The following CDH13 variants were observed in gnomAD, a reference collection of about 807,000 sequenced individuals.
CDH13 encodes the protein cadherin 13, also known as cadherin-13.
Under a neutral mutation model 63.8 loss-of-function variants are expected in CDH13, and 24 were observed. The ratio of observed to expected loss-of-function variants is 0.38; its 90% CI spans 0.27 to 0.53. CDH13 has a LOEUF of 0.53. Ranked by LOEUF, CDH13 falls within the 20% of genes least tolerant of loss-of-function variation. CDH13 has a pLI of 0.85. For missense variants in CDH13, 1,049 were observed against 903.1 expected (o/e 1.16, Z -2.07); for synonymous variants, 503 against 355.3 (o/e 1.42, Z -4.67).
At chr16:83,113,293 C>T (rs1318998565) in intron 3 of CDH13, among the ~76,000 whole-genome samples, 1 of 152,176 alleles carries the variant, frequency 6.6e-6, no homozygotes, top group Non-Finnish European at 1.5e-5. Flanking sequence ...AAAATCAAAG[C>T]GAAATCACCA....
intron 2 of CDH13, among the ~76,000 whole-genome samples, chr16:83,014,987 G>A (rs1422489605): frequency 1.3e-5 from 2 of 150,046 alleles, no homozygotes; most frequent in Non-Finnish European, 3.0e-5. Context: ...AATGAGAGCA[G>A]ATAGATCCAT....
At chr16:83,258,868 C>A (rs537278743) in intron 5 of CDH13, among the ~76,000 whole-genome samples, 14 of 152,318 alleles carry the variant, frequency 9.2e-5, no homozygotes, top group African/African-American at 2.9e-4. Context: ...TTTAGCTCAC[C>A]ATCACATTCC....
intron 9 of CDH13, among the ~76,000 whole-genome samples, chr16:83,673,830 G>A (rs1273620738): frequency 6.6e-6 from 1 of 152,234 alleles, no homozygotes; most frequent in East Asian, 1.9e-4. Context: ...CATGGCCTTA[G>A]GGGAAGCAGT....
chr16:83,249,258 C>T (rs1597592898), intron 5 of CDH13, among the ~76,000 whole-genome samples: 1 of 152,188 alleles, frequency 6.6e-6, no homozygotes, highest in East Asian at 1.9e-4. Flanking sequence ...CACGCTTGAG[C>T]CAGCTCATAC....
At chr16:82,840,817 T>G (rs1037560834) in intron 1 of CDH13, among the ~76,000 whole-genome samples, 2 of 152,184 alleles carry the variant, frequency 1.3e-5, no homozygotes, top group East Asian at 3.8e-4. Context: ...GTTGGCCGTT[T>G]CATTGTAACA....
intron 7 of CDH13, among the ~76,000 whole-genome samples, chr16:83,587,498 G>A (rs367568512): frequency 2.0e-5 from 3 of 152,126 alleles, no homozygotes; most frequent in Non-Finnish European, 2.9e-5. Flanking sequence ...GTGTGGAGCC[G>A]ATTACACAGC....
intron 5 of CDH13, among the ~76,000 whole-genome samples, chr16:83,232,369 A>C (rs892142083): frequency 4.0e-5 from 6 of 151,896 alleles, no homozygotes; most frequent in African/African-American, 1.5e-4. Context: ...TACTAAAAAA[A>C]CAAAAATTAG....
At chr16:82,683,275 A>G (rs1234556764) in intron 1 of CDH13, among the ~76,000 whole-genome samples, 2 of 152,132 alleles carry the variant, frequency 1.3e-5, no homozygotes, top group Non-Finnish European at 2.9e-5. Context: ...GCAGGAACCT[A>G]GCCTTCTGGT....
chr16:83,352,718 G>A (rs377187991), intron 6 of CDH13, among the ~76,000 whole-genome samples: 10 of 152,040 alleles, frequency 6.6e-5, no homozygotes, highest in South Asian at 4.1e-4. Context: ...GTGAAACCCC[G>A]TCTCTACTAA....
intron 10 of CDH13, among the ~76,000 whole-genome samples, chr16:83,687,184 A>T (rs940943908): frequency 6.6e-6 from 1 of 152,174 alleles, no homozygotes; most frequent in African/African-American, 2.4e-5. Context: ...CTGCCCTCCA[A>T]CCTGGGTGAC....
chr16:83,294,178 G>A (rs1011152671), intron 5 of CDH13, among the ~76,000 whole-genome samples: 4 of 151,932 alleles, frequency 2.6e-5, no homozygotes, highest in African/African-American at 7.3e-5. Flanking sequence ...TATACATTGT[G>A]GAATGATTAA....
At chr16:83,539,609 T>C (rs906599035) in intron 7 of CDH13, among the ~76,000 whole-genome samples, 1 of 152,338 alleles carries the variant, frequency 6.6e-6, no homozygotes, top group East Asian at 1.9e-4. Context: ...GAAGTGTTGG[T>C]AACAGCGATA....
intron 6 of CDH13, among the ~76,000 whole-genome samples, chr16:83,464,206 C>G (rs1366932342): frequency 6.6e-6 from 1 of 150,736 alleles, no homozygotes; most frequent in Admixed American, 6.6e-5. Flanking sequence ...ATTACAGGCA[C>G]ACACCACTAT....
intron 2 of CDH13, among the ~76,000 whole-genome samples, chr16:82,955,622 A>G (rs1220143041): frequency 6.6e-6 from 1 of 152,194 alleles, no homozygotes; most frequent in Admixed American, 6.5e-5. Context: ...ACTGTGAATC[A>G]GTCACTGTGT....
chr16:83,706,419 G>C (rs1907063412), intron 10 of CDH13, among the ~76,000 whole-genome samples: 1 of 152,202 alleles, frequency 6.6e-6, no homozygotes, highest in Admixed American at 6.5e-5. Flanking sequence ...AGGAGCGTCA[G>C]AAATATTAGC....
intron 3 of CDH13, among the ~76,000 whole-genome samples, chr16:83,073,798 T>C (rs2032623452): frequency 6.6e-6 from 1 of 152,058 alleles, no homozygotes; most frequent in African/African-American, 2.4e-5. Context: ...ATGTAATATA[T>C]ATAATATACA....
chr16:82,888,939 C>T (rs1304441953), intron 2 of CDH13, among the ~76,000 whole-genome samples: 3 of 152,088 alleles, frequency 2.0e-5, no homozygotes, highest in East Asian at 1.9e-4. Flanking sequence ...GTTAATGTTT[C>T]ATTGCTTGGG....
At chr16:83,394,481 T>G (rs2091847592) in intron 6 of CDH13, among the ~76,000 whole-genome samples, 1 of 152,012 alleles carries the variant, frequency 6.6e-6, no homozygotes. Context: ...CTGGAGGAAT[T>G]GTAAGGATGT....
At chr16:83,508,145 G>GGGAGT (rs2074463775) in intron 7 of CDH13, among the ~76,000 whole-genome samples, 1 of 121,726 alleles carries the variant, frequency 8.2e-6, no homozygotes, top group African/African-American at 3.1e-5. Flanking sequence ...GGAAGGGGAG[G>GGGAGT]GGAGGGGAGG....
Sources: gnomAD v4.1 joint callset for allele counts (sites outside exome capture counted in the v4.1 genomes callset) on GRCh38, gnomAD v4.1.1 for gene constraint, MANE v1.5 for transcripts, NCBI Gene and HGNC (gene_info 2026-07-23, HGNC 2026-07-21) for gene names.